Variants in ERICH3 observed in about 807,000 individuals in gnomAD.
ERICH3 encodes the protein glutamate-rich protein 3.
ERICH3 carries 126 observed loss-of-function variants against 131.1 expected under a neutral mutation model. That is an observed-to-expected ratio of 0.96 (90% CI 0.83 to 1.11). The LOEUF is 1.11. Ranked by LOEUF, ERICH3 falls within the 50% of genes most tolerant of loss-of-function variation. ERICH3 has a pLI of 0.00. For missense variants in ERICH3, 2,050 were observed against 1,810.7 expected, an observed-to-expected ratio of 1.13 and a Z score of -2.40; for synonymous variants, 695 against 644.6, an observed-to-expected ratio of 1.08 and a Z score of -1.18.
chr1:74,578,038 A>G (rs570722172), intron 12 of ERICH3: 3 of 152,368 alleles, frequency 2.0e-5, no homozygotes, highest in African/African-American at 7.2e-5. Context: ...AATTCCTGTT[A>G]TCTGTAGTTG....
chr1:74,614,459 G>C (rs1298733103), intron 8 of ERICH3, among the ~76,000 whole-genome samples: 1 of 151,042 alleles, frequency 6.6e-6, no homozygotes, highest in Non-Finnish European at 1.5e-5. Context: ...GGTGGATCAC[G>C]GGGTCAGGAG....
At position 74,571,498 on chromosome 1, in the gene ERICH3, C is replaced by A. The variant is rs751073817; in HGVS notation, c.4212G>T (p.Val1404=). Residue 1404 remains valine, a synonymous_variant, in exon 14 of 15, where the codon GTG becomes GTT. Coordinates refer to ENST00000326665, the MANE Select transcript of ERICH3 (RefSeq NM_001002912.5). ...CCCCACTCCGTGCTAATTCCTCTAC[C>A]ACCACCTTCCCTGCAGCTGCTGTTT... The part of the protein sequence containing the change: ...VGKTAAAGKV[V]VEELARSGEE... The A allele has an allele frequency of 1.2e-6, 2 of 1,614,010 alleles. No homozygotes were observed. Among genetic ancestry groups the A allele is most frequent in the Non-Finnish European group, 1.7e-6 (2 of 1,180,030 alleles).
intron 9 of ERICH3, 56 bp downstream of exon 9, chr1:74,612,567 T>A: frequency 2.1e-6 from 3 of 1,432,202 alleles, no homozygotes; most frequent in Non-Finnish European, 2.8e-6. Flanking sequence ...AGTAAAGGCA[T>A]TCAAAGAAAA....
At chr1:74,634,551 C>T in intron 6 of ERICH3, 2 of 608,436 alleles carry the variant, frequency 3.3e-6, no homozygotes, top group South Asian at 4.2e-5. Context: ...AAATTGCTCC[C>T]CAGCCAGCAG....
intron 9 of ERICH3, among the ~76,000 whole-genome samples, chr1:74,611,008 A>G (rs1386150750): frequency 1.1e-4 from 16 of 152,024 alleles, no homozygotes. Context: ...CTCACCTTTT[A>G]AATGGAGTGA....
At chr1:74,601,401 T>C (rs1017750060) in intron 10 of ERICH3, among the ~76,000 whole-genome samples, 1 of 151,896 alleles carries the variant, frequency 6.6e-6, no homozygotes, top group Non-Finnish European at 1.5e-5. Context: ...CCAATTTTTA[T>C]TGAGGAAAGA....
chr1:74,595,209 T>C (rs1379904127), intron 11 of ERICH3, among the ~76,000 whole-genome samples: 1 of 152,156 alleles, frequency 6.6e-6, no homozygotes, highest in Non-Finnish European at 1.5e-5. Flanking sequence ...AAACTGTTTA[T>C]ATTATATGTC....
chr1:74,634,430 A>C (rs1180066500), intron 6 of ERICH3, among the ~76,000 whole-genome samples: 1 of 152,124 alleles, frequency 6.6e-6, no homozygotes, highest in African/African-American at 2.4e-5. Context: ...CCTGTCTTTC[A>C]ATAATACATA....
chr1:74,569,821 A>G lies in ERICH3; in HGVS notation c.*637T>C, dbSNP rs944317998. ...AAAACAAAGAGCATTTTGAAATAAG[A>G]TTTCCACTTTGTTATTCTGGCATAA... On this transcript the variant is annotated 3_prime_UTR_variant, in exon 15 of 15. Transcript: ENST00000326665. 1 of 152,220 alleles carries G rather than the reference A, an allele frequency of 6.6e-6. No homozygotes were observed. Among genetic ancestry groups the G allele is most frequent in the African/African-American group, 2.4e-5 (1 of 41,438 alleles). 9.4% of individuals were successfully genotyped at this position (152,220 alleles called of 1,614,324 possible).
chr1:74,580,798 T>C (rs1647164374), intron 12 of ERICH3, among the ~76,000 whole-genome samples: 1 of 152,120 alleles, frequency 6.6e-6, no homozygotes, highest in Non-Finnish European at 1.5e-5. Flanking sequence ...ATTCAGGGGG[T>C]ACATATGCAG....
intron 11 of ERICH3, among the ~76,000 whole-genome samples, chr1:74,593,355 C>G (rs149697197): frequency 6.6e-6 from 1 of 152,076 alleles, no homozygotes; most frequent in Non-Finnish European, 1.5e-5. Context: ...TTCTCCTGTA[C>G]GACAAACCCT....
chr1:74,632,093 G>A (rs1646343584), intron 6 of ERICH3, among the ~76,000 whole-genome samples, 165 bp from the exon 7 acceptor site: 1 of 152,074 alleles, frequency 6.6e-6, no homozygotes, highest in Non-Finnish European at 1.5e-5. Context: ...ACACTTTGTA[G>A]TATCTGCGGC....
At chr1:74,668,109 T>A (rs140027260) in intron 1 of ERICH3, among the ~76,000 whole-genome samples, 118 of 152,318 alleles carry the variant, frequency 7.7e-4, no homozygotes, top group Admixed American at 2.5e-3. Context: ...ACCTTTTTTC[T>A]TTATAAATTA....
chr1:74,597,337 T>C (rs889757961), intron 11 of ERICH3, among the ~76,000 whole-genome samples: 1 of 151,638 alleles, frequency 6.6e-6, no homozygotes, highest in African/African-American at 2.4e-5. Context: ...TAATCAGCAA[T>C]GAGATTTGAT....
At chr1:74,661,986 C>A (rs1026769702) in intron 1 of ERICH3, among the ~76,000 whole-genome samples, 2 of 152,144 alleles carry the variant, frequency 1.3e-5, no homozygotes, top group South Asian at 4.1e-4. Flanking sequence ...GGGAAAGATG[C>A]GTTTCAGACA....
intron 1 of ERICH3, among the ~76,000 whole-genome samples, chr1:74,657,259 C>G (rs148190639): frequency 6.6e-6 from 1 of 151,848 alleles, no homozygotes; most frequent in Admixed American, 6.6e-5. Flanking sequence ...AAAAATGGTG[C>G]CTTTGTGGCA....
In ERICH3 at chr1:74,571,356, A is replaced by T. The variant is rs1397550944; in HGVS notation, c.4354T>A (p.Ser1452Thr). 3 of 1,613,134 alleles carry T rather than the reference A, an allele frequency of 1.9e-6. No individual in the cohort carries two copies. The South Asian group carries it at 3.3e-5, about 18-fold the overall frequency. Residue 1452 changes from serine to threonine, a missense_variant, in exon 14 of 15, where the codon TCA becomes ACA. Coordinates refer to ENST00000326665, the MANE Select transcript of ERICH3 (RefSeq NM_001002912.5). The part of the protein sequence containing the change: ...SGLGQEQEEG[S>T]EGQEAATGSG... Reference sequence around the variant, plus strand: ...CCAGTGGCTGCCTCCTGGCCCTCTGACCCTTCCTCTTGCTCCTGTCCTAGC... The same window carrying T: ...CCAGTGGCTGCCTCCTGGCCCTCTGTCCCTTCCTCTTGCTCCTGTCCTAGC...
rs1646962300 is a variant in ERICH3, at chr1:74,572,130, CTCTG to C, written c.3576_3579del (p.Asp1192GlufsTer12). The C allele has an allele frequency of 3.7e-6, 6 of 1,614,108 alleles. No homozygotes were observed. Among genetic ancestry groups the C allele is most frequent in the Non-Finnish European group, 5.1e-6 (6 of 1,180,046 alleles). On this transcript the variant is annotated frameshift_variant, in exon 14 of 15. Coordinates refer to ENST00000326665, the MANE Select transcript of ERICH3 (RefSeq NM_001002912.5). LOFTEE classifies it high-confidence loss of function. ...CTATTCTCCCTGCTGGACAGCTCTTCTCTGTCTTTGTGCTCTGTGTCTCTGGCTT... is the reference window on the plus strand; with the variant it reads ...CTATTCTCCCTGCTGGACAGCTCTTCTCTTTGTGCTCTGTGTCTCTGGCTT...
intron 11 of ERICH3, among the ~76,000 whole-genome samples, chr1:74,594,276 G>A (rs1268545288): frequency 7.7e-6 from 1 of 130,434 alleles, no homozygotes; most frequent in African/African-American, 3.2e-5. Flanking sequence ...AATGGGGCGT[G>A]TGTGTGTGTG....
Sources: gnomAD v4.1 joint callset for allele counts (sites outside exome capture counted in the v4.1 genomes callset) on GRCh38, gnomAD v4.1.1 for gene constraint, MANE v1.5 for transcripts, NCBI Gene and HGNC (gene_info 2026-07-23, HGNC 2026-07-21) for gene names.